The following PPP3CA variants were observed in gnomAD, a reference collection of about 807,000 sequenced individuals.
PPP3CA encodes CAM-PRP catalytic subunit.
In PPP3CA, 14 loss-of-function variants were observed where a neutral mutation model predicts 66.5. The observed-to-expected ratio is 0.21, with a 90% CI of 0.14 to 0.33. PPP3CA has a LOEUF of 0.33. PPP3CA is among the 10% of genes least tolerant of loss of function. PPP3CA has a pLI of 1.00. For synonymous variants in PPP3CA, 232 were observed against 226.2 expected (o/e 1.03, Z -0.23); for missense variants, 317 against 639.5 (o/e 0.50, Z 5.44).
chr4:101,180,715 C>T (rs777508880), intron 2 of PPP3CA, among the ~76,000 whole-genome samples: 16 of 151,902 alleles, frequency 1.1e-4, no homozygotes, highest in Non-Finnish European at 1.6e-4. Flanking sequence ...ATTAGGTTTA[C>T]GGGTCATGAT....
At chr4:101,163,110 A>G (rs1723571885) in intron 2 of PPP3CA, among the ~76,000 whole-genome samples, 1 of 152,162 alleles carries the variant, frequency 6.6e-6, no homozygotes, top group African/African-American at 2.4e-5. Context: ...TGGCAATTCC[A>G]TATTCCAATT....
chr4:101,190,669 C>A (rs1724569336), intron 2 of PPP3CA, among the ~76,000 whole-genome samples: 1 of 152,084 alleles, frequency 6.6e-6, no homozygotes, highest in African/African-American at 2.4e-5. Flanking sequence ...CCAGTAGCAA[C>A]TTTCTATAGT....
chr4:101,084,844 T>C (rs1477674192), intron 6 of PPP3CA, among the ~76,000 whole-genome samples: 1 of 152,042 alleles, frequency 6.6e-6, no homozygotes, highest in Non-Finnish European at 1.5e-5. Flanking sequence ...GTCAATTCAA[T>C]AAATAAAACA....
At chr4:101,253,130 C>A (rs1726730887) in intron 1 of PPP3CA, among the ~76,000 whole-genome samples, 1 of 152,140 alleles carries the variant, frequency 6.6e-6, no homozygotes, top group Admixed American at 6.5e-5. Context: ...GACAAAACAA[C>A]ATACTGAGAT....
Position 101,243,161 on chromosome 4 carries a change from T to C in PPP3CA, c.59-47045A>G, listed in dbSNP as rs138453712. Among the ~76,000 whole-genome samples the C allele has an allele frequency of 5.0e-3, 754 of 152,288 alleles. 5 individuals carry two copies. The highest frequency in any genetic ancestry group is 0.017 in the African/African-American group (708 of 41,562). On this transcript the variant is annotated intron_variant, in intron 1 of 13. Transcript: ENST00000394854. The stretch of plus-strand genomic sequence containing the variant: ...AAACTGGAAGAATCCACTCCTGCTT[T>C]TTCATTCTGCTCAGCTTCCTCAAAC...
chr4:101,122,488 G>A (rs1722062552), intron 2 of PPP3CA, among the ~76,000 whole-genome samples: 1 of 152,126 alleles, frequency 6.6e-6, no homozygotes, highest in African/African-American at 2.4e-5. Context: ...AAAGGCTTTG[G>A]AATACTATAG....
intron 13 of PPP3CA, among the ~76,000 whole-genome samples, chr4:101,027,842 C>T (rs1026692737): frequency 6.6e-6 from 1 of 152,120 alleles, no homozygotes; most frequent in African/African-American, 2.4e-5. Context: ...TCATTTTTGT[C>T]ATCCTGGTAT....
intron 1 of PPP3CA, among the ~76,000 whole-genome samples, chr4:101,279,773 C>T (rs953206779): frequency 6.6e-6 from 1 of 152,006 alleles, no homozygotes; most frequent in Non-Finnish European, 1.5e-5. Flanking sequence ...GAGGGAAGAG[C>T]CAAGAGAAGT....
rs1455128303 is a variant in PPP3CA at position 101,080,536 on chromosome 4, G to A, written c.951C>T (p.Asn317=). 4.1e-6 allele frequency: 6 copies of A among 1,447,082 alleles called. No individual in the cohort carries two copies. In the South Asian group the frequency reaches 8.0e-5, roughly 19 times the overall value. The allele number at this position is 1,447,082 out of a possible 1,614,324, so 89.6% of individuals were successfully genotyped here. A position where few individuals can be genotyped will look rare whatever the true frequency, so the allele number is the denominator to read the frequency against. The change falls in exon 8 of 14, where the codon AAC becomes AAT. Residue 317 remains asparagine (N), a synonymous_variant. Coordinates refer to ENST00000394854, the MANE Select transcript of PPP3CA (RefSeq NM_000944.5). The stretch of plus-strand genomic sequence containing the variant: ...GAGGTATTTAAAAACACTTACCTTT[G>A]TTATTGTATACATCTAAGTAATTTG... The part of the protein sequence containing the change: ...SAPNYLDVYN[N]KAAVLKYENN...
intron 11 of PPP3CA, among the ~76,000 whole-genome samples, chr4:101,035,883 G>A (rs6811228): frequency 0.016 from 2,491 of 152,240 alleles, 61 homozygotes; most frequent in African/African-American, 0.055. Context: ...TGCCCTAGGT[G>A]TTGTAATGCT....
intron 2 of PPP3CA, among the ~76,000 whole-genome samples, chr4:101,136,998 T>C (rs1722644219): frequency 6.6e-6 from 1 of 152,126 alleles, no homozygotes; most frequent in Non-Finnish European, 1.5e-5. Flanking sequence ...ATATCATGAC[T>C]AGTGTTTGAC....
intron 1 of PPP3CA, among the ~76,000 whole-genome samples, chr4:101,282,735 G>A (rs1040787714): frequency 6.6e-6 from 1 of 152,114 alleles, no homozygotes; most frequent in Non-Finnish European, 1.5e-5. Context: ...CTGCTGAGAT[G>A]CAGGAAGTAA....
chr4:101,106,433 GAAAGAAAGAAAGAAAGAAAGAGAAAA>G lies in PPP3CA; in HGVS notation c.384+2495_384+2520del, dbSNP rs1560604910. Among the ~76,000 whole-genome samples, 9 of 11,708 alleles carry G rather than the reference GAAAGAAAGAAAGAAAGAAAGAGAAAA, an allele frequency of 7.7e-4. 4 individuals are homozygous for G. The highest frequency in any genetic ancestry group is 2.5e-3 in the African/African-American group (9 of 3,654). 7.7% of individuals were successfully genotyped at this position (11,708 alleles called of 152,430 possible). ...AGAAAGAAAGAAAGAAAGAAAGAAA[GAAAGAAAGAAAGAAAGAAAGAGAAAA>G]GAAAAGAAAAGAAAAGAAAAGAAAA... is the stretch of plus-strand genomic sequence containing the variant. On this transcript the variant is annotated intron_variant, in intron 3 of 13. Transcript: ENST00000394854.
chr4:101,094,048 C>T, intron 5 of PPP3CA, 133 bp from the exon 6 acceptor site: 1 of 694,882 alleles, frequency 1.4e-6, no homozygotes. Context: ...ATGTCCTCTA[C>T]CTCTCTCTCT....
chr4:101,158,118 A>C (rs1723385068), intron 2 of PPP3CA: 1 of 152,222 alleles, frequency 6.6e-6, no homozygotes, highest in Non-Finnish European at 1.5e-5. Context: ...TCTGTGAAAT[A>C]ATTAAAACTA....
At chr4:101,250,462 T>C (rs1446278323) in intron 1 of PPP3CA, 2 of 397,778 alleles carry the variant, frequency 5.0e-6, no homozygotes, top group African/African-American at 2.1e-5. Flanking sequence ...GAAAGGATGG[T>C]AAACTTATGT....
chr4:101,263,612 T>C (rs906461043), intron 1 of PPP3CA, among the ~76,000 whole-genome samples: 2 of 151,988 alleles, frequency 1.3e-5, no homozygotes, highest in African/African-American at 4.8e-5. Context: ...TTTTAATGTT[T>C]ACCATGATTA....
At chr4:101,298,547 G>A (rs1398962352) in intron 1 of PPP3CA, among the ~76,000 whole-genome samples, 1 of 151,808 alleles carries the variant, frequency 6.6e-6, no homozygotes, top group Non-Finnish European at 1.5e-5. Flanking sequence ...CAATGTAAAG[G>A]CAACAAGGAT....
At chr4:101,254,784 T>C (rs1409596607) in intron 1 of PPP3CA, among the ~76,000 whole-genome samples, 2 of 151,860 alleles carry the variant, frequency 1.3e-5, no homozygotes, top group African/African-American at 2.4e-5. Flanking sequence ...ATTTTGCTCC[T>C]ATAGTCACTA....
Sources: allele counts gnomAD v4.1 joint callset (sites outside exome capture counted in the v4.1 genomes callset), GRCh38; gene constraint gnomAD v4.1.1; transcripts MANE v1.5; gene names NCBI Gene and HGNC (gene_info 2026-07-23, HGNC 2026-07-21).